TENM3: variants seen among roughly 807,000 people sequenced by gnomAD.
TENM3 encodes the protein teneurin transmembrane protein 3.
In TENM3, 63 loss-of-function variants were observed where a neutral mutation model predicts 255.1. The observed-to-expected ratio is 0.25, with a 90% CI of 0.20 to 0.30. The LOEUF is 0.30. TENM3 is among the 10% of genes least tolerant of loss of function. The probability of loss-of-function intolerance (pLI) is 1.00; values close to 1 mark genes in which losing one functional copy is unlikely to be tolerated. For missense variants in TENM3, 2,929 were observed against 3,461.1 expected, an observed-to-expected ratio of 0.85 and a Z score of 3.86; for synonymous variants, 1,306 against 1,322.3, an observed-to-expected ratio of 0.99 and a Z score of 0.27.
At chr4:181,708,287 G>A in the TENM3 span, among the ~76,000 whole-genome samples, 109 of 152,222 alleles carry the variant, frequency 7.2e-4, 1 homozygote, top group African/African-American at 2.5e-3. Flanking sequence ...TAAGAAAATG[G>A]CATGCTTTCA....
At chr4:181,679,619 G>T in the TENM3 span, among the ~76,000 whole-genome samples, 2 of 152,056 alleles carry the variant, frequency 1.3e-5, no homozygotes, top group African/African-American at 4.8e-5. Context: ...ATCAGGACTA[G>T]ATTATTCTGA....
At chr4:181,918,944 A>T in the TENM3 span, among the ~76,000 whole-genome samples, 1 of 152,218 alleles carries the variant, frequency 6.6e-6, no homozygotes, top group Non-Finnish European at 1.5e-5. Flanking sequence ...CTTTAATAGG[A>T]TGTTAACTTT....
chr4:182,749,054 G>A (rs1013817898), intron 19 of TENM3, among the ~76,000 whole-genome samples: 3 of 152,026 alleles, frequency 2.0e-5, no homozygotes, highest in Non-Finnish European at 2.9e-5. Flanking sequence ...ATGTCCATTC[G>A]TTTTTGCACC....
the TENM3 span, among the ~76,000 whole-genome samples, chr4:181,633,338 C>T: frequency 6.6e-6 from 1 of 152,166 alleles, no homozygotes; most frequent in Non-Finnish European, 1.5e-5. Flanking sequence ...ATTATTTTAG[C>T]AGCTATTCTA....
chr4:182,471,516 A>G (rs1195538134), intron 3 of TENM3, among the ~76,000 whole-genome samples: 1 of 152,144 alleles, frequency 6.6e-6, no homozygotes, highest in Admixed American at 6.5e-5. Context: ...AATGGTATGT[A>G]TTGGTGTATC....
chr4:181,904,768 G>T, the TENM3 span, among the ~76,000 whole-genome samples: 2 of 152,168 alleles, frequency 1.3e-5, no homozygotes, highest in East Asian at 3.9e-4. Flanking sequence ...ATAGTGATAT[G>T]GTTTGGCTTT....
chr4:182,518,406 C>G (rs894415785), intron 3 of TENM3, among the ~76,000 whole-genome samples: 12 of 152,042 alleles, frequency 7.9e-5, no homozygotes, highest in African/African-American at 2.9e-4. Flanking sequence ...GGTCCCTAAT[C>G]AGTTGACTCT....
the TENM3 span, among the ~76,000 whole-genome samples, chr4:181,578,850 A>G: frequency 6.6e-6 from 1 of 152,000 alleles, no homozygotes; most frequent in African/African-American, 2.4e-5. Flanking sequence ...TCACCTCTTC[A>G]AGGGCCCTAT....
chr4:182,467,233 G>C (rs1293833932), intron 3 of TENM3, among the ~76,000 whole-genome samples: 1 of 152,106 alleles, frequency 6.6e-6, no homozygotes, highest in Non-Finnish European at 1.5e-5. Context: ...CTTTATGTGA[G>C]TATGGTCTGT....
In TENM3 at chr4:182,381,364, C is replaced by T. The variant is rs1170847125; in HGVS notation, c.511+34435C>T. Among the ~76,000 whole-genome samples, 4 of 152,116 alleles carry T rather than the reference C, an allele frequency of 2.6e-5. No individual in the cohort carries two copies. In the South Asian group the frequency reaches 8.3e-4, roughly 32 times the overall value. The stretch of plus-strand genomic sequence containing the variant: ...ACCATGGGATGCAGGGAAAAAAAGA[C>T]TCAGGATGTTAAGATGGTTTCGATA... On this transcript the variant is annotated intron_variant, in intron 3 of 27. Transcript: ENST00000511685.
chr4:181,615,440 C>A, the TENM3 span, among the ~76,000 whole-genome samples: 5 of 152,196 alleles, frequency 3.3e-5, no homozygotes, highest in Admixed American at 1.3e-4. Flanking sequence ...CCTACCTTCA[C>A]TCACTAAAGT....
At chr4:181,734,539 A>G in the TENM3 span, among the ~76,000 whole-genome samples, 1 of 152,180 alleles carries the variant, frequency 6.6e-6, no homozygotes, top group Non-Finnish European at 1.5e-5. Flanking sequence ...ATATATGTAT[A>G]TATGACCAAA....
At position 182,668,543 on chromosome 4, in the gene TENM3, C is replaced by G. The variant is rs112555537; in HGVS notation, c.1112-4462C>G. Among the ~76,000 whole-genome samples the G allele has an allele frequency of 9.1e-4, 139 of 152,142 alleles. 4 individuals are homozygous for G. In the East Asian group the frequency reaches 0.024, roughly 26 times the overall value. On this transcript the variant is annotated intron_variant, in intron 6 of 27. Coordinates refer to ENST00000511685, the MANE Select transcript of TENM3 (RefSeq NM_001080477.4). ...GAAAAAAATCATCACAATTGCTATCCCATTCAAGCACACTCCACCAATCTT... is the reference window on the plus strand; with the variant it reads ...GAAAAAAATCATCACAATTGCTATCGCATTCAAGCACACTCCACCAATCTT...
the TENM3 span, among the ~76,000 whole-genome samples, chr4:181,641,550 GTGTGTATATATATATATATATATATATA>G: frequency 4.6e-3 from 227 of 49,040 alleles, 8 homozygotes; most frequent in Middle Eastern, 0.025. Flanking sequence ...TCCATGGTGT[GTGTGTATATATATATATATATATATATA>G]TATATATATA....
chr4:181,701,082 G>A, the TENM3 span, among the ~76,000 whole-genome samples: 17 of 152,198 alleles, frequency 1.1e-4, 1 homozygote, highest in South Asian at 2.9e-3. Context: ...AGGCAGCATC[G>A]TTAAGTCATA....
chr4:182,309,888 C>T (rs1762342137), intron 1 of TENM3, among the ~76,000 whole-genome samples: 1 of 152,168 alleles, frequency 6.6e-6, no homozygotes, highest in African/African-American at 2.4e-5. Context: ...TTATCAAGTA[C>T]TCATTATGTT....
rs1456833170 is a variant in TENM3, at chr4:182,229,045, T to C, written c.-76+84291T>C. 2.0e-5 allele frequency among the ~76,000 whole-genome samples: 3 copies of C among 152,220 alleles called. No individual in the cohort carries two copies. In the East Asian group the frequency reaches 5.8e-4, roughly 29 times the overall value. ...GTAAATAAGTTTCTAATATTGTTAA[T>C]GATGACTTAAACACCCAAATATATT... On this transcript the variant is annotated intron_variant, in intron 1 of 2. Coordinates refer to the TENM3 transcript ENST00000512480.
At chr4:181,474,052 A>G in the TENM3 span, among the ~76,000 whole-genome samples, 41 of 152,154 alleles carry the variant, frequency 2.7e-4, no homozygotes, top group African/African-American at 7.5e-4. Context: ...GACTAGAACT[A>G]CCACAAGAAT....
the TENM3 span, among the ~76,000 whole-genome samples, chr4:181,872,160 A>G: frequency 6.6e-6 from 1 of 151,744 alleles, no homozygotes; most frequent in Non-Finnish European, 1.5e-5. Flanking sequence ...AAATTTTTAT[A>G]GAAATTCACC....
Sources: allele counts gnomAD v4.1 joint callset (sites outside exome capture counted in the v4.1 genomes callset), GRCh38; gene constraint gnomAD v4.1.1; transcripts MANE v1.5; gene names NCBI Gene and HGNC (gene_info 2026-07-23, HGNC 2026-07-21).